Variants in DKK3 observed in about 807,000 individuals in gnomAD.
DKK3 encodes dickkopf Wnt signaling pathway inhibitor 3.
In DKK3, 22 loss-of-function variants were observed where a neutral mutation model predicts 33.2. The ratio of observed to expected loss-of-function variants is 0.66; its 90% CI spans 0.47 to 0.95. The LOEUF is 0.95. DKK3 is among the 40% of genes least tolerant of loss of function. DKK3 has a pLI of 0.00. For synonymous variants in DKK3, 194 were observed against 188.8 expected, an observed-to-expected ratio of 1.03 and a Z score of -0.23; for missense variants, 398 against 458.4, an observed-to-expected ratio of 0.87 and a Z score of 1.20.
intron 1 of DKK3, among the ~76,000 whole-genome samples, chr11:12,005,184 A>C (rs1848512950): frequency 6.6e-6 from 1 of 152,212 alleles, no homozygotes; most frequent in Non-Finnish European, 1.5e-5. Context: ...GGCTGAGCAG[A>C]TAGTCTTTTT....
At chr11:12,005,196 TA>T (rs1323128652) in intron 1 of DKK3, among the ~76,000 whole-genome samples, 2 of 152,218 alleles carry the variant, frequency 1.3e-5, no homozygotes, top group Non-Finnish European at 2.9e-5. Flanking sequence ...AGTCTTTTTA[TA>T]AAACTTTTCC....
chr11:12,002,459 T>C (rs1848450661), intron 1 of DKK3, 22 bp from the exon 2 acceptor site: 1 of 1,601,590 alleles, frequency 6.2e-7, no homozygotes, highest in African/African-American at 1.3e-5. Flanking sequence ...ATGAATTTAA[T>C]GAGCAAAATT....
intron 3 of DKK3, among the ~76,000 whole-genome samples, chr11:11,992,768 A>G (rs1247564286): frequency 6.6e-6 from 1 of 152,236 alleles, no homozygotes; most frequent in African/African-American, 2.4e-5. Context: ...TCAAAGAAAT[A>G]TAAACAAGGT....
chr11:12,007,981 G>T (rs1003061057), intron 1 of DKK3, among the ~76,000 whole-genome samples: 1 of 152,198 alleles, frequency 6.6e-6, no homozygotes, highest in Non-Finnish European at 1.5e-5. Flanking sequence ...GCTAGAACTT[G>T]GCGATGCCTG....
intron 2 of DKK3, among the ~76,000 whole-genome samples, chr11:12,000,104 A>T (rs1848391140): frequency 6.6e-6 from 1 of 152,260 alleles, no homozygotes; most frequent in South Asian, 2.1e-4. Context: ...TCTCCAGAAG[A>T]AGAATATAAG....
chr11:11,971,308 T>G (rs539444985), intron 3 of DKK3, among the ~76,000 whole-genome samples: 1 of 152,366 alleles, frequency 6.6e-6, no homozygotes, highest in Admixed American at 6.5e-5. Flanking sequence ...AGTTGTTCTT[T>G]GCATAATGAT....
At chr11:11,973,358 C>T (rs1847765013) in intron 3 of DKK3, among the ~76,000 whole-genome samples, 1 of 152,084 alleles carries the variant, frequency 6.6e-6, no homozygotes, top group Admixed American at 6.5e-5. Flanking sequence ...AACTTAGTAG[C>T]ACCTGCCCGG....
chr11:12,008,547 C>T lies in DKK3; in HGVS notation c.36G>A (p.Leu12=). 2.0e-6 allele frequency: 3 copies of T among 1,534,158 alleles called. No individual in the cohort carries two copies. Among genetic ancestry groups the T allele is most frequent in the Non-Finnish European group, 2.6e-6 (3 of 1,147,158 alleles). Residue 12 remains leucine (L), a synonymous_variant, in exon 1 of 7, where the codon CTG becomes CTA. Transcript: ENST00000683431. The surrounding 1 kb of genome is among the most constrained non-coding windows in gnomAD (Gnocchi z 4.6). ...QRLGATLLCL[L]LAAAVPTAPA... is the part of the protein sequence containing the mutation. ...GGGCCGTGGGGACCGCCGCCGCCAG[C>T]AGCAGGCACAGCAGGGTGGCCCCAA... is the stretch of plus-strand genomic sequence containing the variant.
chr11:11,967,139 G>C (rs368008447), intron 4 of DKK3, 41 bp from the exon 5 acceptor site: 6 of 1,601,200 alleles, frequency 3.7e-6, no homozygotes, highest in Non-Finnish European at 5.1e-6. Flanking sequence ...GCGGCTTAGG[G>C]ACTGGGGGCC....
intron 1 of DKK3, among the ~76,000 whole-genome samples, chr11:12,005,985 C>A (rs943659956): frequency 3.0e-4 from 46 of 152,134 alleles, no homozygotes; most frequent in Non-Finnish European, 2.6e-4. Context: ...GTTTTGTTAT[C>A]ATTCATACTG....
rs1847636480 is a variant in DKK3, at chr11:11,967,913, G to C, written c.528+482C>G. Among the ~76,000 whole-genome samples, 3 of 152,154 alleles carry C rather than the reference G, an allele frequency of 2.0e-5. No individual in the cohort carries two copies. In the South Asian group the frequency reaches 6.2e-4, roughly 31 times the overall value. ...TGGGTGGGGTGCAGGTCCAGAAGGA[G>C]AGCAGCTGCCGCTCTCCCTGCCTGG... On this transcript the variant is annotated intron_variant, in intron 4 of 6. Coordinates refer to ENST00000683431, the MANE Select transcript of DKK3 (RefSeq NM_001018057.2).
intron 3 of DKK3, among the ~76,000 whole-genome samples, chr11:11,980,694 A>G (rs1847937033): frequency 1.3e-5 from 2 of 152,066 alleles, no homozygotes; most frequent in South Asian, 4.1e-4. Context: ...CCCAGTCCTG[A>G]GTACCCACCC....
chr11:11,964,593 A>G lies in DKK3; in HGVS notation c.924T>C (p.Tyr308=). 6.2e-7 allele frequency: 1 copy of G among 1,614,170 alleles called. No homozygotes were observed. Among genetic ancestry groups the G allele is most frequent in the East Asian group, 2.2e-5 (1 of 44,880 alleles). The change falls in exon 7 of 7, where the codon TAT becomes TAC. Residue 308 remains tyrosine, a synonymous_variant. Coordinates refer to ENST00000683431, the MANE Select transcript of DKK3 (RefSeq NM_001018057.2). ...ILLPREVPDE[Y]EVGSFMEEVR... ...CCTCCTCCATGAAGCTGCCAACTTC[A>G]TACTCATCGGGGACCTCTCTGGGCA...
At chr11:12,003,210 T>C (rs1051974062) in intron 1 of DKK3, among the ~76,000 whole-genome samples, 2 of 152,152 alleles carry the variant, frequency 1.3e-5, no homozygotes, top group African/African-American at 4.8e-5. Context: ...TGGCAGGACC[T>C]GTTGTTGGTG....
chr11:12,002,198 T>C lies in DKK3; in HGVS notation c.351+102A>G, dbSNP rs1054360075. 3 of 1,250,920 alleles carry C rather than the reference T, an allele frequency of 2.4e-6. No individual in the cohort carries two copies. In the African/African-American group the frequency reaches 4.5e-5, roughly 19 times the overall value. The allele number at this position is 1,250,920 out of a possible 1,614,324, so 77.5% of individuals were successfully genotyped here. A position where few individuals can be genotyped will look rare whatever the true frequency, so the allele number is the denominator to read the frequency against. Reference sequence around the variant, plus strand: ...GTATTTTATGATTCTCAATTGTAGTTTGGGCTTGTATATCACATATGAAAA... The same window carrying C: ...GTATTTTATGATTCTCAATTGTAGTCTGGGCTTGTATATCACATATGAAAA... On this transcript the variant is annotated intron_variant, in intron 2 of 6. Transcript: ENST00000683431.
rs560219687 is a variant in DKK3, at chr11:11,994,192, G to T, written c.435+4504C>A. ...ATGCCATTCTTTTTTCTGTAAAGTT[G>T]CTGGGAACCAGCAAATTAGAACCCA... On this transcript the variant is annotated intron_variant, in intron 3 of 6. Transcript: ENST00000683431. Among the ~76,000 whole-genome samples, 18 of 152,210 alleles carry T rather than the reference G, an allele frequency of 1.2e-4. No homozygotes were observed. In the South Asian group the frequency reaches 2.9e-3, roughly 25 times the overall value.
chr11:11,975,884 C>G (rs6485328), intron 3 of DKK3, among the ~76,000 whole-genome samples: 129,264 of 152,218 alleles, frequency 0.85, 55,119 homozygotes, highest in Middle Eastern at 0.98. Flanking sequence ...GCCCACACCT[C>G]GGTTCTAATA....
upstream of DKK3, chr11:12,008,896 C>G (rs28411401): frequency 0.11 from 121,324 of 1,096,888 alleles, 7,135 homozygotes; most frequent in Middle Eastern, 0.18. The surrounding 1 kb of genome is among the most constrained non-coding windows in gnomAD (Gnocchi z 4.6). Context: ...CTCGCCAGAG[C>G]AACCGAACCC....
Position 11,963,186 on chromosome 11 carries a change from A to G in DKK3, c.*1278T>C, listed in dbSNP as rs538475540. 1 of 152,810 alleles carries G rather than the reference A, an allele frequency of 6.5e-6. No individual in the cohort carries two copies. Among genetic ancestry groups the G allele is most frequent in the African/African-American group, 2.4e-5 (1 of 41,590 alleles). 9.5% of individuals were successfully genotyped at this position (152,810 alleles called of 1,614,324 possible). A position where few individuals can be genotyped will look rare whatever the true frequency, so the allele number is the denominator to read the frequency against. On this transcript the variant is annotated 3_prime_UTR_variant, in exon 7 of 7. Coordinates refer to ENST00000683431, the MANE Select transcript of DKK3 (RefSeq NM_001018057.2). ...TTTAAAACTCAAAGAAAGCATGCTTATACAATCATGTGCAACTTTAAACTT... is the reference window on the plus strand; with the variant it reads ...TTTAAAACTCAAAGAAAGCATGCTTGTACAATCATGTGCAACTTTAAACTT...
Sources: allele counts gnomAD v4.1 joint callset (sites outside exome capture counted in the v4.1 genomes callset), GRCh38; gene constraint gnomAD v4.1.1; non-coding constraint Gnocchi (gnomAD v3.1); transcripts MANE v1.5; gene names NCBI Gene and HGNC (gene_info 2026-07-23, HGNC 2026-07-21).